Variants in ASTN2 observed in about 807,000 individuals in gnomAD.
ASTN2 encodes astrotactin 2.
ASTN2 carries 54 observed loss-of-function variants against 139.8 expected under a neutral mutation model. The observed-to-expected ratio is 0.39, with a 90% confidence interval of 0.31 to 0.48. The LOEUF is 0.48. Among genes scored for constraint, ASTN2 ranks in the 20% least tolerant of loss-of-function variants. The probability of loss-of-function intolerance (pLI) is 0.95; values close to 1 mark genes in which losing one functional copy is unlikely to be tolerated. For synonymous variants in ASTN2, 756 were observed against 719.5 expected, an observed-to-expected ratio of 1.05 and a Z score of -0.81; for missense variants, 1,565 against 1,725.1, an observed-to-expected ratio of 0.91 and a Z score of 1.64.
At chr9:117,078,866 G>T (rs1193288045) in intron 5 of ASTN2, among the ~76,000 whole-genome samples, 1 of 152,166 alleles carries the variant, frequency 6.6e-6, no homozygotes, top group Non-Finnish European at 1.5e-5. Flanking sequence ...CTCCCAAGTA[G>T]CTGGGATTAC....
intron 16 of ASTN2, among the ~76,000 whole-genome samples, chr9:116,716,390 C>G (rs1828315316): frequency 1.3e-5 from 2 of 152,108 alleles, no homozygotes; most frequent in South Asian, 4.2e-4. Context: ...TGAATTTGTT[C>G]TAAGTTTTCT....
chr9:116,822,821 G>A (rs1831527105), intron 11 of ASTN2, among the ~76,000 whole-genome samples: 1 of 152,206 alleles, frequency 6.6e-6, no homozygotes, highest in Non-Finnish European at 1.5e-5. Context: ...ATCTGTGAAT[G>A]TGACTTTCTA....
chr9:116,578,950 C>T (rs7869409), intron 19 of ASTN2: 9 of 152,002 alleles, frequency 5.9e-5, no homozygotes, highest in East Asian at 1.9e-4. Flanking sequence ...AAGTAAATTC[C>T]GCACTTAGAG....
chr9:117,176,507 G>C (rs1830921175), intron 3 of ASTN2, among the ~76,000 whole-genome samples: 1 of 151,984 alleles, frequency 6.6e-6, no homozygotes, highest in African/African-American at 2.4e-5. Flanking sequence ...TTACTTTATT[G>C]CATGATAAAA....
At chr9:116,731,583 T>C (rs1828786218) in intron 14 of ASTN2, among the ~76,000 whole-genome samples, 1 of 152,010 alleles carries the variant, frequency 6.6e-6, no homozygotes. Context: ...CCACCACCCC[T>C]GGCTAATTTT....
intron 2 of ASTN2, among the ~76,000 whole-genome samples, chr9:117,270,444 T>C (rs1834037158): frequency 6.6e-6 from 1 of 152,200 alleles, no homozygotes; most frequent in Non-Finnish European, 1.5e-5. Context: ...AAGTATTTGT[T>C]TTTTTGTGAC....
intron 10 of ASTN2, among the ~76,000 whole-genome samples, chr9:116,864,348 C>T (rs966706624): frequency 6.6e-6 from 1 of 152,178 alleles, no homozygotes; most frequent in Non-Finnish European, 1.5e-5. Context: ...CCTTATTTTT[C>T]AGACTATTGT....
At chr9:117,230,425 C>T (rs947914431) in intron 2 of ASTN2, among the ~76,000 whole-genome samples, 2 of 152,146 alleles carry the variant, frequency 1.3e-5, no homozygotes, top group Non-Finnish European at 2.9e-5. Context: ...GTGTCTCTCT[C>T]CATCTCCTCT....
chr9:116,610,086 A>G (rs1292360766), intron 19 of ASTN2, among the ~76,000 whole-genome samples: 2 of 152,168 alleles, frequency 1.3e-5, no homozygotes, highest in African/African-American at 2.4e-5. Context: ...ATAACCTTAA[A>G]CCTAAACATA....
intron 7 of ASTN2, among the ~76,000 whole-genome samples, chr9:116,987,778 C>T (rs144006424): frequency 4.8e-4 from 73 of 152,268 alleles, no homozygotes; most frequent in African/African-American, 1.6e-3. Flanking sequence ...CATAACAATA[C>T]GCTGGTATCA....
At chr9:116,468,074 G>A (rs1848704359) in intron 20 of ASTN2, among the ~76,000 whole-genome samples, 1 of 152,154 alleles carries the variant, frequency 6.6e-6, no homozygotes, top group South Asian at 2.1e-4. Flanking sequence ...TCAGTACTGA[G>A]GACATGAAGC....
chr9:116,812,711 G>C (rs115360561), intron 12 of ASTN2, among the ~76,000 whole-genome samples: 58 of 152,266 alleles, frequency 3.8e-4, no homozygotes, highest in African/African-American at 1.3e-3. Context: ...TGAGTGACTT[G>C]CCCATGGAGG....
chr9:117,319,661 C>T (rs1587943609), intron 1 of ASTN2, among the ~76,000 whole-genome samples: 3 of 151,630 alleles, frequency 2.0e-5, no homozygotes, highest in East Asian at 3.9e-4. Flanking sequence ...GTCTCAAACT[C>T]CTGGCCTCAA....
intron 16 of ASTN2, among the ~76,000 whole-genome samples, chr9:116,681,428 T>C (rs1323678307): frequency 2.0e-5 from 3 of 152,118 alleles, no homozygotes; most frequent in African/African-American, 7.2e-5. Flanking sequence ...AGAATTAATA[T>C]CGTGAAAATG....
chr9:117,407,426 T>C (rs936256631), intron 1 of ASTN2, among the ~76,000 whole-genome samples: 3 of 152,200 alleles, frequency 2.0e-5, no homozygotes, highest in Non-Finnish European at 2.9e-5. Flanking sequence ...TTGACTGTTG[T>C]AATTGTAGTA....
intron 11 of ASTN2, among the ~76,000 whole-genome samples, chr9:116,833,818 T>G (rs1404699278): frequency 6.6e-6 from 1 of 152,208 alleles, no homozygotes; most frequent in African/African-American, 2.4e-5. Flanking sequence ...GTGATGATAT[T>G]CGCAGTTGAA....
intron 10 of ASTN2, among the ~76,000 whole-genome samples, chr9:116,907,341 C>A (rs1467305331): frequency 5.9e-5 from 9 of 152,164 alleles, no homozygotes; most frequent in Non-Finnish European, 1.2e-4. Context: ...GAAGCCAAGA[C>A]ACCTCAGTTT....
At chr9:117,302,473 G>C (rs1485490046) in intron 1 of ASTN2, among the ~76,000 whole-genome samples, 3 of 152,100 alleles carry the variant, frequency 2.0e-5, no homozygotes, top group African/African-American at 7.2e-5. Context: ...AATCCCAAAA[G>C]TAATTTAGCA....
intron 19 of ASTN2, among the ~76,000 whole-genome samples, chr9:116,514,664 T>C (rs1468338468): frequency 6.6e-6 from 1 of 152,192 alleles, no homozygotes; most frequent in East Asian, 1.9e-4. Flanking sequence ...CAGTTTGAGC[T>C]TCCCAGCCGC....
Sources: allele counts gnomAD v4.1 joint callset (sites outside exome capture counted in the v4.1 genomes callset), GRCh38; gene constraint gnomAD v4.1.1; transcripts MANE v1.5; gene names NCBI Gene and HGNC (gene_info 2026-07-23, HGNC 2026-07-21).